Variants in CSMD1 observed in about 807,000 individuals in gnomAD.
The protein encoded by CSMD1 is CUB and sushi domain-containing protein 1.
CSMD1 carries 213 observed loss-of-function variants against 417.5 expected under a neutral mutation model. The ratio of observed to expected loss-of-function variants is 0.51; its 90% CI spans 0.46 to 0.57. The LOEUF (loss-of-function observed/expected upper bound fraction) is 0.57. Ranked by LOEUF, CSMD1 falls within the 20% of genes least tolerant of loss-of-function variation. The pLI is 0.00. For synonymous variants in CSMD1, 2,862 were observed against 1,736.8 expected, an observed-to-expected ratio of 1.65 and a Z score of -16.11; for missense variants, 6,923 against 4,529.7, an observed-to-expected ratio of 1.53 and a Z score of -15.17.
chr8:3,809,940 C>T (rs963788208), intron 5 of CSMD1, among the ~76,000 whole-genome samples: 2 of 152,152 alleles, frequency 1.3e-5, no homozygotes, highest in African/African-American at 4.8e-5. Context: ...ATACAACCAA[C>T]ATTTACTTAC....
chr8:4,790,172 T>A (rs1056785679), intron 1 of CSMD1, among the ~76,000 whole-genome samples: 32 of 152,214 alleles, frequency 2.1e-4, no homozygotes, highest in African/African-American at 7.7e-4. Context: ...TTCAACATAA[T>A]AAGAATATTG....
intron 5 of CSMD1, among the ~76,000 whole-genome samples, chr8:3,923,844 G>C (rs1162702055): frequency 2.0e-5 from 3 of 152,136 alleles, no homozygotes; most frequent in Non-Finnish European, 4.4e-5. Context: ...ACATTCCATA[G>C]ATAAGTGAAA....
chr8:4,982,377 T>C (rs1810941741), intron 1 of CSMD1, among the ~76,000 whole-genome samples: 1 of 152,224 alleles, frequency 6.6e-6, no homozygotes, highest in Admixed American at 6.5e-5. Flanking sequence ...CATCTGGTCC[T>C]GCGGAGAGGA....
chr8:4,553,748 T>G (rs999104739), intron 2 of CSMD1, among the ~76,000 whole-genome samples: 1 of 152,188 alleles, frequency 6.6e-6, no homozygotes, highest in Admixed American at 6.5e-5. Context: ...GTACAGAATA[T>G]TTCTAACTGC....
At chr8:4,913,882 C>T (rs1805866650) in intron 1 of CSMD1, among the ~76,000 whole-genome samples, 1 of 152,168 alleles carries the variant, frequency 6.6e-6, no homozygotes, top group African/African-American at 2.4e-5. Context: ...TTGGATGGAA[C>T]CCGATTACTG....
intron 3 of CSMD1, among the ~76,000 whole-genome samples, chr8:4,388,702 A>C (rs955048436): frequency 1.3e-5 from 2 of 152,184 alleles, no homozygotes; most frequent in Non-Finnish European, 2.9e-5. Context: ...CTCATGGAAA[A>C]AACAAAAAAT....
chr8:3,327,488 C>G (rs1806609861), intron 23 of CSMD1, among the ~76,000 whole-genome samples: 1 of 152,138 alleles, frequency 6.6e-6, no homozygotes, highest in Non-Finnish European at 1.5e-5. Context: ...GTTAATTTTC[C>G]TCTTAACATA....
At chr8:3,243,018 C>G (rs1299527163) in intron 26 of CSMD1, among the ~76,000 whole-genome samples, 2 of 151,938 alleles carry the variant, frequency 1.3e-5, no homozygotes, top group Non-Finnish European at 2.9e-5. Context: ...AGTTTTGAGT[C>G]CACGGATAAA....
At chr8:3,943,112 T>C (rs187768416) in intron 5 of CSMD1, among the ~76,000 whole-genome samples, 1 of 152,248 alleles carries the variant, frequency 6.6e-6, no homozygotes, top group South Asian at 2.1e-4. Flanking sequence ...CTTCGGAATT[T>C]ATGTTTGTCA....
chr8:3,442,539 G>A (rs1181013234), intron 12 of CSMD1, among the ~76,000 whole-genome samples: 1 of 152,146 alleles, frequency 6.6e-6, no homozygotes, highest in Non-Finnish European at 1.5e-5. Flanking sequence ...TAGTATTACA[G>A]TCACATGCTG....
chr8:3,385,297 C>A (rs1201891592), intron 18 of CSMD1, among the ~76,000 whole-genome samples: 1 of 148,502 alleles, frequency 6.7e-6, no homozygotes, highest in African/African-American at 2.5e-5. Context: ...GTATATAGGC[C>A]TTTACATTTC....
At chr8:3,138,314 T>C (rs1405770232) in intron 41 of CSMD1, among the ~76,000 whole-genome samples, 1 of 152,144 alleles carries the variant, frequency 6.6e-6, no homozygotes, top group Non-Finnish European at 1.5e-5. Flanking sequence ...GGAACTCTAC[T>C]CCTGTAGATA....
At chr8:4,740,115 G>C (rs1276298705) in intron 1 of CSMD1, among the ~76,000 whole-genome samples, 2 of 151,968 alleles carry the variant, frequency 1.3e-5, no homozygotes, top group Admixed American at 6.6e-5. Flanking sequence ...CATTTTATCT[G>C]TATCTCCATC....
intron 3 of CSMD1, among the ~76,000 whole-genome samples, chr8:4,401,292 G>C (rs148712461): frequency 2.0e-5 from 3 of 152,152 alleles, no homozygotes; most frequent in East Asian, 3.9e-4. Context: ...AAGTCAAAGT[G>C]CTTTTATAAT....
intron 3 of CSMD1, among the ~76,000 whole-genome samples, chr8:4,254,732 T>C (rs181376849): frequency 3.3e-5 from 5 of 152,130 alleles, no homozygotes; most frequent in Admixed American, 3.3e-4. Context: ...GTTATGTATC[T>C]TCAGATCTGC....
In CSMD1 at chr8:4,469,301, T is replaced by A. The variant is rs545595829; in HGVS notation, c.303-49236A>T. Among the ~76,000 whole-genome samples the A allele has an allele frequency of 2.8e-4, 43 of 152,276 alleles. No individual in the cohort carries two copies. In the South Asian group the frequency reaches 8.7e-3, roughly 31 times the overall value. On this transcript the variant is annotated intron_variant, in intron 2 of 69. Transcript: ENST00000635120. ...ATGATTGTCATAGTCAGTGGGACTT[T>A]CTCATTCTAACAATTATTTTCGGCT... is the stretch of plus-strand genomic sequence containing the variant.
chr8:4,059,347 T>C (rs1182795184), intron 3 of CSMD1, among the ~76,000 whole-genome samples: 10 of 151,978 alleles, frequency 6.6e-5, no homozygotes, highest in African/African-American at 2.4e-4. Flanking sequence ...GTAGGAAAGA[T>C]CCAAAATGGA....
intron 1 of CSMD1, among the ~76,000 whole-genome samples, chr8:4,768,464 T>C (rs769628003): frequency 1.3e-5 from 2 of 152,238 alleles, no homozygotes; most frequent in East Asian, 1.9e-4. Flanking sequence ...TTATTTGCAG[T>C]TGATTCTCTT....
chr8:3,312,749 C>T (rs368864233), intron 23 of CSMD1, among the ~76,000 whole-genome samples: 8 of 152,238 alleles, frequency 5.3e-5, no homozygotes, highest in Admixed American at 1.3e-4. Flanking sequence ...CTGCCTCCAC[C>T]GTTAAACTGT....
Sources: allele counts gnomAD v4.1 joint callset (sites outside exome capture counted in the v4.1 genomes callset), GRCh38; gene constraint gnomAD v4.1.1; transcripts MANE v1.5; gene names NCBI Gene and HGNC (gene_info 2026-07-23, HGNC 2026-07-21).